NCOR1: variants seen among roughly 807,000 people sequenced by gnomAD.
The protein encoded by NCOR1 is nuclear receptor corepressor 1.
In NCOR1, 63 loss-of-function variants were observed where a neutral mutation model predicts 288.1. The observed-to-expected ratio is 0.22, with a 90% confidence interval of 0.18 to 0.27. The LOEUF is 0.27. Ranked by LOEUF, NCOR1 falls within the 10% of genes least tolerant of loss-of-function variation. The pLI is 1.00. For synonymous variants in NCOR1, 1,007 were observed against 1,065.9 expected (o/e 0.94, Z 1.08); for missense variants, 2,397 against 3,019.2 (o/e 0.79, Z 4.83).
chr17:16,168,801 T>A (rs183210381), intron 4 of NCOR1, among the ~76,000 whole-genome samples: 79 of 151,990 alleles, frequency 5.2e-4, no homozygotes, highest in African/African-American at 1.9e-3. Flanking sequence ...TGAAACCTCG[T>A]CTCCACTAAA....
At chr17:16,060,667 T>C (rs987303679) in intron 37 of NCOR1, among the ~76,000 whole-genome samples, 3 of 149,968 alleles carry the variant, frequency 2.0e-5, no homozygotes, top group Admixed American at 2.0e-4. Flanking sequence ...TGAGAAATCA[T>C]TTTTTTTTTC....
At chr17:16,149,097 C>T (rs899254906) in intron 9 of NCOR1, among the ~76,000 whole-genome samples, 1 of 151,956 alleles carries the variant, frequency 6.6e-6, no homozygotes, top group South Asian at 2.1e-4. Flanking sequence ...ATAGTAATGT[C>T]TCATCAGCAT....
At position 16,080,510 on chromosome 17, in the gene NCOR1, C is replaced by T. The variant is rs1478438866; in HGVS notation, c.3299-1G>A. 1.2e-6 allele frequency: 2 copies of T among 1,613,826 alleles called. No homozygotes were observed. Among genetic ancestry groups the T allele is most frequent in the Non-Finnish European group, 1.7e-6 (2 of 1,179,950 alleles). Reference sequence around the variant, plus strand: ...TCCTGCTTGATGTAGGGCAAAGTAGCTGTGGAAAGGCAGAGAAACATGAAA... The same window carrying T: ...TCCTGCTTGATGTAGGGCAAAGTAGTTGTGGAAAGGCAGAGAAACATGAAA... On this transcript the variant is annotated splice_acceptor_variant, in intron 24 of 45. Transcript: ENST00000268712. LOFTEE classifies it high-confidence loss of function.
chr17:16,032,993 A>AC (rs1419543304), intron 45 of NCOR1, among the ~76,000 whole-genome samples: 2 of 152,134 alleles, frequency 1.3e-5, no homozygotes, highest in African/African-American at 4.8e-5. Flanking sequence ...GAACACTGCT[A>AC]CCCTTCATCA....
Position 16,048,881 on chromosome 17 carries a change from A to T in NCOR1, c.6500T>A (p.Leu2167His). 3.1e-6 allele frequency: 5 copies of T among 1,613,768 alleles called. No individual in the cohort carries two copies. Among genetic ancestry groups the T allele is most frequent in the Non-Finnish European group, 4.2e-6 (5 of 1,179,784 alleles). ...AGGCTCTGCGCCCCTCTGAGACAAG[A>T]GCAGCAAGCTGTCCTGTTTCTCATG... Reference protein sequence around the residue: ...VVHEKQDSLLLLSQRGAEPAE... With the variant: ...VVHEKQDSLLHLSQRGAEPAE... Residue 2167 changes from leucine to histidine, a missense_variant, in exon 41 of 46, where the codon CTC becomes CAC. Physicochemically the swap from Leu to His is moderately conservative, Grantham distance 99 (BLOSUM62 -3). Around this residue, in one of 11 missense-constraint regions of NCOR1, gnomAD observed 1,872 missense variants for 2,187.8 expected, o/e 0.86. Transcript: ENST00000268712.
intron 40 of NCOR1, among the ~76,000 whole-genome samples, chr17:16,051,274 T>C (rs2059281197): frequency 1.3e-5 from 2 of 152,228 alleles, no homozygotes; most frequent in Non-Finnish European, 2.9e-5. Context: ...CACCTCCCAA[T>C]ATCTGTCAGC....
chr17:16,127,469 G>A (rs915885233), intron 14 of NCOR1, among the ~76,000 whole-genome samples: 2 of 145,570 alleles, frequency 1.4e-5, no homozygotes, highest in East Asian at 4.1e-4. Flanking sequence ...ATACGTGTAT[G>A]TGTATATATA....
chr17:16,056,308 CTTTTTTTTTTT>C (rs71299858), intron 40 of NCOR1, among the ~76,000 whole-genome samples: 2 of 96,012 alleles, frequency 2.1e-5, no homozygotes, highest in Admixed American at 1.4e-4. Context: ...TTCTTTTTAT[CTTTTTTTTTTT>C]TTTTTTTTTT....
chr17:16,031,649 AT>A lies in NCOR1; in HGVS notation c.*646del, dbSNP rs1194869515. On this transcript the variant is annotated 3_prime_UTR_variant, in exon 46 of 46. Coordinates refer to ENST00000268712, the MANE Select transcript of NCOR1 (RefSeq NM_006311.4). ...CACTGGAAATTTACAATATGGCAGA[AT>A]TTGTTACTTTTACCTTTTGACCCTA... The A allele has an allele frequency of 4.4e-6, 1 of 227,046 alleles. No individual in the cohort carries two copies. The highest frequency in any genetic ancestry group is 8.8e-6 in the Non-Finnish European group (1 of 114,276). 14.1% of individuals were successfully genotyped at this position (227,046 alleles called of 1,614,324 possible). A position where few individuals can be genotyped will look rare whatever the true frequency, so the allele number is the denominator to read the frequency against.
intron 19 of NCOR1, among the ~76,000 whole-genome samples, chr17:16,106,854 C>CATATATAT (rs1162344281): frequency 2.2e-3 from 100 of 46,150 alleles, no homozygotes; most frequent in East Asian, 6.7e-3. Flanking sequence ...CTTGATCAGA[C>CATATATAT]ATATATATAT....
intron 19 of NCOR1, 97 bp downstream of exon 19, chr17:16,108,687 ACT>A (rs2069321394): frequency 1.0e-6 from 1 of 992,400 alleles, no homozygotes; most frequent in South Asian, 2.2e-5. Flanking sequence ...ACACTGGCAC[ACT>A]GTTTCCTCAA....
At chr17:16,081,634 G>C (rs1304767825) in intron 23 of NCOR1, among the ~76,000 whole-genome samples, 1 of 152,134 alleles carries the variant, frequency 6.6e-6, no homozygotes, top group Non-Finnish European at 1.5e-5. Context: ...TTGGTTCTCT[G>C]GGAGACTCCA....
intron 30 of NCOR1, 80 bp from the exon 31 acceptor site, chr17:16,070,605 G>A (rs1379387075): frequency 4.6e-6 from 7 of 1,534,444 alleles, no homozygotes; most frequent in Non-Finnish European, 6.2e-6. Context: ...CTGGCCCATG[G>A]CAGTTACAGT....
chr17:16,192,549 G>C (rs1354105592), intron 2 of NCOR1, among the ~76,000 whole-genome samples: 1 of 152,108 alleles, frequency 6.6e-6, no homozygotes, highest in Non-Finnish European at 1.5e-5. Context: ...CCAGCTACTC[G>C]GGAGGCTGAG....
At chr17:16,127,040 ATTAT>A (rs1251067841) in intron 14 of NCOR1, among the ~76,000 whole-genome samples, 3 of 151,930 alleles carry the variant, frequency 2.0e-5, no homozygotes, top group African/African-American at 7.3e-5. Flanking sequence ...ACTCTATTTT[ATTAT>A]TTGTTACTGT....
At chr17:16,174,560 T>C (rs1259424729) in intron 3 of NCOR1, among the ~76,000 whole-genome samples, 1 of 152,222 alleles carries the variant, frequency 6.6e-6, no homozygotes, top group Non-Finnish European at 1.5e-5. Flanking sequence ...ACAATGAGTA[T>C]GGAATGCTCT....
rs144486813 is a variant in NCOR1 at position 16,108,808 on chromosome 17, T to C, written c.2160A>G (p.Glu720=). 64 of 1,601,284 alleles carry C rather than the reference T, an allele frequency of 4.0e-5. No homozygotes were observed. The highest frequency in any genetic ancestry group is 3.3e-4 in the Middle Eastern group (2 of 6,038). The stretch of plus-strand genomic sequence containing the variant: ...TACCTTCGCTGTCTTCTGGATTTTC[T>C]TCTTCATTGGAGGCTTCAATATCTT... The part of the protein sequence containing the change: ...EDEDIEASNE[E]ENPEDSEVEA... The change falls in exon 19 of 46, where the codon GAA becomes GAG. Residue 720 remains glutamate (E), a synonymous_variant. Coordinates refer to ENST00000268712, the MANE Select transcript of NCOR1 (RefSeq NM_006311.4).
chr17:16,176,585 G>A (rs1010279236), intron 3 of NCOR1, among the ~76,000 whole-genome samples: 21 of 150,606 alleles, frequency 1.4e-4, no homozygotes, highest in Admixed American at 1.2e-3. Flanking sequence ...AGTTTTAGAT[G>A]CTATAATTGC....
At chr17:16,149,292 C>CATATATATATATAAATAT (rs1555725719) in intron 9 of NCOR1, among the ~76,000 whole-genome samples, 159 bp downstream of exon 9, 2 of 137,962 alleles carry the variant, frequency 1.4e-5, no homozygotes, top group African/African-American at 5.4e-5. Context: ...AGATTTAAGT[C>CATATATATATATAAATAT]ATATATATAT....
Sources: allele counts gnomAD v4.1 joint callset (sites outside exome capture counted in the v4.1 genomes callset), GRCh38; gene constraint gnomAD v4.1.1; regional missense constraint gnomAD v4.1.1; transcripts MANE v1.5; gene names NCBI Gene and HGNC (gene_info 2026-07-23, HGNC 2026-07-21).